Variants in CMTM4 observed in about 807,000 individuals in gnomAD.
CMTM4 encodes CKLF like MARVEL transmembrane domain containing 4, also known as CKLF-like MARVEL transmembrane domain-containing protein 4.
Under a neutral mutation model 19.0 loss-of-function variants are expected in CMTM4, and 8 were observed. The ratio of observed to expected loss-of-function variants is 0.42; its 90% CI spans 0.25 to 0.76. The LOEUF (loss-of-function observed/expected upper bound fraction) is 0.76. Ranked by LOEUF, CMTM4 falls within the 30% of genes least tolerant of loss-of-function variation. The pLI, the probability that CMTM4 is intolerant of heterozygous loss-of-function variation, is 0.27. For missense variants in CMTM4, 228 were observed against 290.2 expected (o/e 0.79, Z 1.56); for synonymous variants, 106 against 121.1 (o/e 0.88, Z 0.82).
rs2015502257 is a variant in CMTM4, at chr16:66,615,125, G to C, written c.*6933C>G. On this transcript the variant is annotated 3_prime_UTR_variant, in exon 4 of 4. Transcript: ENST00000394106. The surrounding 1 kb of genome is among the most constrained non-coding windows in gnomAD (Gnocchi z 4.9). ...TGCCCAACGGGCATCGCCTCAGAAA[G>C]CCCACAGTTGTGTCTTTAAACTGCC... 6.6e-6 allele frequency: 1 copy of C among 152,228 alleles called. No homozygotes were observed. The highest frequency in any genetic ancestry group is 1.5e-5 in the Non-Finnish European group (1 of 68,052). The allele number at this position is 152,228 out of a possible 1,614,324, so 9.4% of individuals were successfully genotyped here.
intron 1 of CMTM4, among the ~76,000 whole-genome samples, chr16:66,676,463 A>G (rs2016812780): frequency 6.6e-6 from 1 of 152,034 alleles, no homozygotes; most frequent in African/African-American, 2.4e-5. Context: ...AAAGAATGCG[A>G]CCCTGAGGCT....
chr16:66,659,374 CAA>C (rs1207738260), intron 1 of CMTM4, among the ~76,000 whole-genome samples: 12 of 116,348 alleles, frequency 1.0e-4, no homozygotes, highest in Non-Finnish European at 1.1e-4. Context: ...GACTCTGCCT[CAA>C]AAAAAAAAAA....
intron 2 of CMTM4, among the ~76,000 whole-genome samples, chr16:66,633,393 A>G (rs1345305767): frequency 1.3e-5 from 2 of 151,984 alleles, no homozygotes; most frequent in African/African-American, 4.8e-5. Flanking sequence ...CAATACTCCC[A>G]CCACCTTGTT....
chr16:66,600,893 T>C, the CMTM4 span, among the ~76,000 whole-genome samples: 8 of 152,080 alleles, frequency 5.3e-5, no homozygotes, highest in Non-Finnish European at 1.2e-4. Context: ...AGGAGTTAAT[T>C]AGAGAAGAAG....
chr16:66,626,070 G>C (rs1467518084), intron 2 of CMTM4, among the ~76,000 whole-genome samples: 1 of 152,210 alleles, frequency 6.6e-6, no homozygotes, highest in East Asian at 1.9e-4. Flanking sequence ...GAGGGTGCAT[G>C]CAGCCAACTC....
In CMTM4 at chr16:66,618,629, A is replaced by G. The variant is rs2144773513; in HGVS notation, c.*3429T>C. ...CAGGTCTCATTCACTGCAAGCAAGA[A>G]TTCACGTACATGAGTGCACAAAGGT... On this transcript the variant is annotated 3_prime_UTR_variant, in exon 4 of 4. Transcript: ENST00000394106. The G allele has an allele frequency of 1.0e-6, 1 of 985,498 alleles. No homozygotes were observed. Among genetic ancestry groups the G allele is most frequent in the Non-Finnish European group, 1.2e-6 (1 of 829,946 alleles). The allele number at this position is 985,498 out of a possible 1,614,324, so 61.0% of individuals were successfully genotyped here. A position where few individuals can be genotyped will look rare whatever the true frequency, so the allele number is the denominator to read the frequency against.
downstream of CMTM4, chr16:66,610,108 C>A: frequency 7.0e-7 from 1 of 1,432,172 alleles, no homozygotes; most frequent in South Asian, 1.3e-5. This position sits in a 1 kb window ranked among gnomAD's most constrained non-coding sequence, Gnocchi z 4.6. Context: ...TCCTCTCTCC[C>A]CATGGCAGGA....
intron 1 of CMTM4, among the ~76,000 whole-genome samples, chr16:66,650,769 C>T (rs2016295077): frequency 6.6e-6 from 1 of 152,190 alleles, no homozygotes; most frequent in African/African-American, 2.4e-5. Flanking sequence ...ACACAAAAGG[C>T]ATGTGCTGGT....
At chr16:66,651,682 T>C (rs888563935) in intron 1 of CMTM4, among the ~76,000 whole-genome samples, 8 of 152,190 alleles carry the variant, frequency 5.3e-5, no homozygotes, top group African/African-American at 1.9e-4. Flanking sequence ...AGACCTGGGG[T>C]AGCCAGTGCT....
chr16:66,629,913 C>T (rs1483934736), intron 2 of CMTM4, among the ~76,000 whole-genome samples: 1 of 152,208 alleles, frequency 6.6e-6, no homozygotes, highest in East Asian at 1.9e-4. Context: ...CTCCAGACCT[C>T]ACCCTATGCA....
intron 1 of CMTM4, among the ~76,000 whole-genome samples, chr16:66,649,209 A>C (rs1407677783): frequency 6.6e-6 from 1 of 151,744 alleles, no homozygotes; most frequent in African/African-American, 2.4e-5. Context: ...ATAGCGTGAG[A>C]CCCTGTCTCT....
intron 1 of CMTM4, among the ~76,000 whole-genome samples, chr16:66,645,826 A>C (rs561258298): frequency 6.6e-6 from 1 of 152,040 alleles, no homozygotes; most frequent in African/African-American, 2.4e-5. Flanking sequence ...TAAAAATACA[A>C]AAATTAGCCG....
intron 2 of CMTM4, among the ~76,000 whole-genome samples, chr16:66,634,165 T>C (rs165058): frequency 0.095 from 14,387 of 151,880 alleles, 945 homozygotes; most frequent in East Asian, 0.27. Context: ...CTGGGCTGGG[T>C]GTGGTGGCTC....
At chr16:66,644,422 C>T (rs529843266) in intron 1 of CMTM4, among the ~76,000 whole-genome samples, 6 of 152,254 alleles carry the variant, frequency 3.9e-5, no homozygotes, top group East Asian at 1.9e-4. Flanking sequence ...TTCAAATCTA[C>T]GAAGGATCTA....
intron 2 of CMTM4, among the ~76,000 whole-genome samples, chr16:66,633,360 T>C (rs1006907853): frequency 1.3e-5 from 2 of 152,082 alleles, no homozygotes; most frequent in Non-Finnish European, 2.9e-5. Flanking sequence ...TCAGGCTGGC[T>C]CTGCTGGAGA....
intron 1 of CMTM4, among the ~76,000 whole-genome samples, chr16:66,650,076 A>G (rs2016282381): frequency 6.6e-6 from 1 of 152,182 alleles, no homozygotes; most frequent in African/African-American, 2.4e-5. Flanking sequence ...GGGAGGGTCA[A>G]TGAGGGCTTA....
At chr16:66,671,508 A>G (rs2016706858) in intron 1 of CMTM4, among the ~76,000 whole-genome samples, 1 of 152,220 alleles carries the variant, frequency 6.6e-6, no homozygotes, top group Admixed American at 6.5e-5. Context: ...CAGCGGGCTC[A>G]CTGATCCCTT....
downstream of CMTM4, chr16:66,613,174 G>A: frequency 1.4e-6 from 1 of 702,028 alleles, no homozygotes; most frequent in Non-Finnish European, 2.6e-6. Context: ...CTTCATTCTT[G>A]AAGCAGGGAG....
At chr16:66,638,196 T>G (rs1284092315) in intron 1 of CMTM4, among the ~76,000 whole-genome samples, 1 of 152,166 alleles carries the variant, frequency 6.6e-6, no homozygotes, top group Non-Finnish European at 1.5e-5. Context: ...AGCCTCTGCC[T>G]CCGGAGCTTT....
Sources: allele counts gnomAD v4.1 joint callset (sites outside exome capture counted in the v4.1 genomes callset), GRCh38; gene constraint gnomAD v4.1.1; non-coding constraint Gnocchi (gnomAD v3.1); transcripts MANE v1.5; gene names NCBI Gene and HGNC (gene_info 2026-07-23, HGNC 2026-07-21).